Variants in TMEM131 observed in about 807,000 individuals in gnomAD.
TMEM131 encodes transmembrane protein 131.
Under a neutral mutation model 211.6 loss-of-function variants are expected in TMEM131, and 66 were observed. The observed-to-expected ratio is 0.31, with a 90% CI of 0.26 to 0.38. The LOEUF (loss-of-function observed/expected upper bound fraction) is 0.38. TMEM131 is among the 10% of genes least tolerant of loss of function. The pLI is 1.00. For synonymous variants in TMEM131, 844 were observed against 841.3 expected (o/e 1.00, Z -0.06); for missense variants, 2,036 against 2,299.3 (o/e 0.89, Z 2.34).
intron 4 of TMEM131, among the ~76,000 whole-genome samples, chr2:97,875,293 G>A (rs550796138): frequency 3.9e-5 from 6 of 152,112 alleles, no homozygotes; most frequent in East Asian, 3.9e-4. Context: ...CCTATTGTCC[G>A]TATTAGACAG....
In TMEM131 at chr2:97,895,194, A is replaced by C. The variant is rs565305376; in HGVS notation, c.291-7074T>G. Among the ~76,000 whole-genome samples the C allele has an allele frequency of 2.0e-4, 31 of 152,302 alleles. No homozygotes were observed. In the East Asian group the frequency reaches 4.6e-3, roughly 23 times the overall value. ...ACGTTTATTGATTTGCATACGTTGA[A>C]CCAGCCTTACATCCTAGGGATGAAG... On this transcript the variant is annotated intron_variant, in intron 3 of 40. Transcript: ENST00000186436.
intron 11 of TMEM131, among the ~76,000 whole-genome samples, chr2:97,821,362 T>C (rs1046756322): frequency 1.3e-5 from 2 of 152,092 alleles, no homozygotes; most frequent in Admixed American, 1.3e-4. Context: ...CACTGTAAAA[T>C]GGACCAATCA....
In TMEM131 at chr2:97,964,893, T is replaced by G. The variant is rs184173762; in HGVS notation, c.187+30583A>C. Among the ~76,000 whole-genome samples, 49 of 152,372 alleles carry G rather than the reference T, an allele frequency of 3.2e-4. 1 individual carries two copies. In the East Asian group the frequency reaches 6.4e-3, roughly 20 times the overall value. ...GGTCTTTACAACCTCAGTCTCTTCATCTATAAAATATAGATACAATTCTTT... is the reference window on the plus strand; with the variant it reads ...GGTCTTTACAACCTCAGTCTCTTCAGCTATAAAATATAGATACAATTCTTT... On this transcript the variant is annotated intron_variant, in intron 1 of 40. Coordinates refer to ENST00000186436, the MANE Select transcript of TMEM131 (RefSeq NM_015348.2).
At chr2:97,835,960 G>A (rs1682922200) in intron 8 of TMEM131, among the ~76,000 whole-genome samples, 1 of 152,032 alleles carries the variant, frequency 6.6e-6, no homozygotes, top group Admixed American at 6.6e-5. Context: ...ATTCTCTTAG[G>A]TTTATTTATT....
intron 26 of TMEM131, 25 bp from the exon 27 acceptor site, chr2:97,797,011 T>C: frequency 4.4e-6 from 7 of 1,602,356 alleles, no homozygotes; most frequent in Non-Finnish European, 6.0e-6. Flanking sequence ...GAATTACAGA[T>C]TTTTCTCTCA....
At chr2:97,874,128 T>C (rs963588844) in intron 4 of TMEM131, among the ~76,000 whole-genome samples, 2 of 152,122 alleles carry the variant, frequency 1.3e-5, no homozygotes, top group African/African-American at 2.4e-5. Context: ...ATATCAGTGA[T>C]TGAAGATCAA....
intron 31 of TMEM131, among the ~76,000 whole-genome samples, chr2:97,783,908 G>GA (rs919029774): frequency 1.3e-5 from 2 of 151,058 alleles, no homozygotes; most frequent in African/African-American, 4.9e-5. Context: ...TAAAAGGATG[G>GA]AAAAAAAATC....
intron 4 of TMEM131, among the ~76,000 whole-genome samples, chr2:97,876,739 A>G (rs183947601): frequency 6.6e-6 from 1 of 152,344 alleles, no homozygotes; most frequent in African/African-American, 2.4e-5. Context: ...ACCCATAGCC[A>G]ATACCATACT....
At chr2:97,937,581 G>T (rs529477362) in intron 1 of TMEM131, among the ~76,000 whole-genome samples, 2 of 152,022 alleles carry the variant, frequency 1.3e-5, no homozygotes, top group African/African-American at 4.8e-5. Flanking sequence ...TAAAAATTCA[G>T]ACTTTAAGAT....
chr2:97,891,893 C>T (rs1675390037), intron 3 of TMEM131, among the ~76,000 whole-genome samples: 1 of 152,102 alleles, frequency 6.6e-6, no homozygotes, highest in African/African-American at 2.4e-5. Flanking sequence ...AGCACCCTCA[C>T]ATTTAGGAGC....
intron 11 of TMEM131, chr2:97,827,686 C>A: frequency 1.0e-6 from 1 of 984,936 alleles, no homozygotes; most frequent in Non-Finnish European, 1.5e-6. Context: ...GGGAATCCCA[C>A]CTCATCCCAT....
At chr2:97,976,128 C>T (rs952250469) in intron 1 of TMEM131, among the ~76,000 whole-genome samples, 7 of 152,112 alleles carry the variant, frequency 4.6e-5, no homozygotes, top group African/African-American at 1.4e-4. Context: ...AATGCTTCCC[C>T]CCTAAGATTA....
intron 33 of TMEM131, among the ~76,000 whole-genome samples, chr2:97,771,349 G>A (rs775658772): frequency 6.6e-6 from 1 of 152,122 alleles, no homozygotes; most frequent in Non-Finnish European, 1.5e-5. Flanking sequence ...AACAGGACTG[G>A]CCCTGCCTGA....
At chr2:97,915,834 G>T (rs1190501848) in intron 2 of TMEM131, among the ~76,000 whole-genome samples, 4 of 152,098 alleles carry the variant, frequency 2.6e-5, no homozygotes, top group African/African-American at 7.2e-5. Context: ...TTTGTTTAAG[G>T]TGTGAGATCT....
Position 97,844,148 on chromosome 2 carries a change from G to C in TMEM131, c.597C>G (p.Tyr199Ter). 1.0e-6 allele frequency: 1 copy of C among 990,732 alleles called. No homozygotes were observed. The highest frequency in any genetic ancestry group is 1.4e-6 in the Non-Finnish European group (1 of 725,918). 61.4% of individuals were successfully genotyped at this position (990,732 alleles called of 1,614,324 possible). Residue 199 changes from tyrosine (Y) to a stop codon, truncating the protein, a stop_gained, in exon 6 of 41, where the codon TAC (tyrosine) becomes TAG (stop). Transcript: ENST00000186436. LOFTEE classifies it high-confidence loss of function. ...INTSNHGVFT[Y>*]QVFGVGVPNP... Reference sequence around the variant, plus strand: ...AAGTTTTAATTCTGGTTCTTACCTGGTAAGTAAATACCCCATGATTAGATG... The same window carrying C: ...AAGTTTTAATTCTGGTTCTTACCTGCTAAGTAAATACCCCATGATTAGATG...
intron 6 of TMEM131, among the ~76,000 whole-genome samples, chr2:97,843,372 G>A (rs1178587293): frequency 1.3e-5 from 2 of 152,198 alleles, no homozygotes; most frequent in Non-Finnish European, 2.9e-5. Flanking sequence ...GTCTTGATCT[G>A]TCACCCAAGG....
chr2:97,872,163 G>A (rs1674516055), intron 4 of TMEM131, among the ~76,000 whole-genome samples: 2 of 152,170 alleles, frequency 1.3e-5, no homozygotes, highest in South Asian at 4.1e-4. Context: ...AATTCTACAG[G>A]AGAGTAGGAA....
rs1276109448 is a variant in TMEM131 at position 97,799,876 on chromosome 2, G to C, written c.2718+2019C>G. Among the ~76,000 whole-genome samples the C allele has an allele frequency of 2.6e-5, 4 of 152,122 alleles. No homozygotes were observed. The East Asian group carries it at 7.7e-4, about 29-fold the overall frequency. On this transcript the variant is annotated intron_variant, in intron 25 of 40. Transcript: ENST00000186436. ...TCGATCAAAACAATATATCAAGAGAGACTGAATGTAGAGGCAGATATGAGA... is the reference window on the plus strand; with the variant it reads ...TCGATCAAAACAATATATCAAGAGACACTGAATGTAGAGGCAGATATGAGA...
At chr2:97,801,398 C>T (rs1179191883) in intron 25 of TMEM131, among the ~76,000 whole-genome samples, 2 of 152,136 alleles carry the variant, frequency 1.3e-5, no homozygotes, top group Non-Finnish European at 2.9e-5. Context: ...TAGAACAAAC[C>T]AGTTTATGTA....
Sources: gnomAD v4.1 joint callset for allele counts (sites outside exome capture counted in the v4.1 genomes callset) on GRCh38, gnomAD v4.1.1 for gene constraint, MANE v1.5 for transcripts, NCBI Gene and HGNC (gene_info 2026-07-23, HGNC 2026-07-21) for gene names.